The following DLGAP1 variants were observed in gnomAD, a reference collection of about 807,000 sequenced individuals.
DLGAP1 encodes disks large-associated protein 1.
A neutral mutation model predicts 90.8 loss-of-function variants in DLGAP1; 11 were observed. The ratio of observed to expected loss-of-function variants is 0.12; its 90% confidence interval spans 0.08 to 0.20. The LOEUF (loss-of-function observed/expected upper bound fraction) is 0.20, where lower values mean the gene tolerates loss of function less well. Ranked by LOEUF, DLGAP1 falls within the 10% of genes least tolerant of loss-of-function variation. DLGAP1 has a pLI of 1.00. For synonymous variants in DLGAP1, 558 were observed against 540.7 expected, an observed-to-expected ratio of 1.03 and a Z score of -0.44; for missense variants, 1,050 against 1,333.8, an observed-to-expected ratio of 0.79 and a Z score of 3.31.
At chr18:3,561,304 C>A (rs2054093272) in intron 9 of DLGAP1, among the ~76,000 whole-genome samples, 2 of 146,886 alleles carry the variant, frequency 1.4e-5, no homozygotes, top group Non-Finnish European at 3.0e-5. Context: ...CCAGATGTGG[C>A]AGGTGCCTGT....
chr18:3,578,360 A>ATTTTTTTTTTT (rs750251974), intron 8 of DLGAP1, among the ~76,000 whole-genome samples: 1 of 143,582 alleles, frequency 7.0e-6, no homozygotes, highest in South Asian at 2.2e-4. Context: ...TGCGTCTTTA[A>ATTTTTTTTTTT]TTTTTTTTTT....
chr18:4,176,741 C>T (rs1568496), intron 1 of DLGAP1, among the ~76,000 whole-genome samples: 5,726 of 152,242 alleles, frequency 0.038, 387 homozygotes, highest in African/African-American at 0.13. Context: ...TTTCCTGGAA[C>T]CCTCTGCTTC....
rs1300105882 is a variant in DLGAP1 at position 3,985,751 on chromosome 18, G to C, written c.-73+19365C>G. ...TAAATTTGTACAGGCTTGAAAAATA[G>C]TTGTGCTCTATAAATACCCCAGTAT... On this transcript the variant is annotated intron_variant, in intron 3 of 12. Coordinates refer to ENST00000315677, the MANE Select transcript of DLGAP1 (RefSeq NM_004746.4). Among the ~76,000 whole-genome samples the C allele has an allele frequency of 2.0e-5, 3 of 152,074 alleles. No individual in the cohort carries two copies. In the South Asian group the frequency reaches 6.2e-4, roughly 32 times the overall value.
chr18:4,315,087 A>T (rs2143511985), intron 1 of DLGAP1, among the ~76,000 whole-genome samples: 1 of 152,286 alleles, frequency 6.6e-6, no homozygotes, highest in East Asian at 1.9e-4. Flanking sequence ...GTGAGCATAG[A>T]CCCTGGAGTC....
intron 3 of DLGAP1, among the ~76,000 whole-genome samples, chr18:3,963,357 C>A (rs1470412657): frequency 6.6e-6 from 1 of 152,154 alleles, no homozygotes. Context: ...AGCACAGTTG[C>A]TGGGCCTTGT....
intron 7 of DLGAP1, among the ~76,000 whole-genome samples, chr18:3,705,541 G>A (rs1321804442): frequency 6.6e-6 from 1 of 151,298 alleles, no homozygotes; most frequent in African/African-American, 2.4e-5. Context: ...AGACCCCAAG[G>A]AGCATTAAAA....
chr18:4,105,756 C>G (rs553897698), intron 2 of DLGAP1, among the ~76,000 whole-genome samples: 2 of 152,082 alleles, frequency 1.3e-5, no homozygotes, highest in Non-Finnish European at 2.9e-5. Context: ...TTAGGCCGGG[C>G]GCGGTGGCTC....
intron 9 of DLGAP1, 72 bp downstream of exon 9, chr18:3,567,418 A>C (rs1179878606): frequency 1.3e-5 from 17 of 1,300,226 alleles, no homozygotes; most frequent in Non-Finnish European, 1.6e-5. Flanking sequence ...TTGTAGACTT[A>C]TCACGGGGAA....
intron 2 of DLGAP1, among the ~76,000 whole-genome samples, chr18:4,149,811 C>T (rs948683424): frequency 1.3e-5 from 2 of 152,194 alleles, no homozygotes; most frequent in Admixed American, 6.5e-5. Flanking sequence ...CCACCCTGTC[C>T]GTGGAAAAAT....
At chr18:4,006,958 A>G (rs1172525487) in intron 2 of DLGAP1, among the ~76,000 whole-genome samples, 2 of 152,118 alleles carry the variant, frequency 1.3e-5, no homozygotes, top group Non-Finnish European at 2.9e-5. Flanking sequence ...ACTTCATGGA[A>G]CAATGCAGTG....
intron 1 of DLGAP1, among the ~76,000 whole-genome samples, chr18:4,156,915 T>C (rs528813049): frequency 6.6e-6 from 1 of 152,246 alleles, no homozygotes; most frequent in South Asian, 2.1e-4. Context: ...GGAACATTTC[T>C]GAAAGGCATG....
intron 1 of DLGAP1, among the ~76,000 whole-genome samples, chr18:4,318,593 T>C (rs879436920): frequency 6.6e-6 from 1 of 152,180 alleles, no homozygotes; most frequent in African/African-American, 2.4e-5. Flanking sequence ...CTGGAGTCGA[T>C]GCAGGAGTTC....
At chr18:4,087,006 T>C (rs1030510993) in intron 2 of DLGAP1, among the ~76,000 whole-genome samples, 12 of 147,018 alleles carry the variant, frequency 8.2e-5, no homozygotes, top group South Asian at 2.2e-4. Context: ...AATATTTTAG[T>C]TCTGAAGTCT....
At chr18:3,634,215 TC>T (rs35031361) in intron 7 of DLGAP1, among the ~76,000 whole-genome samples, 1,599 of 150,136 alleles carry the variant, frequency 0.011, 33 homozygotes, top group African/African-American at 0.036. Context: ...TCTTTGAACA[TC>T]CCCCCCCACT....
intron 3 of DLGAP1, among the ~76,000 whole-genome samples, chr18:3,945,025 G>A (rs2148954907): frequency 6.6e-6 from 1 of 152,210 alleles, no homozygotes; most frequent in East Asian, 1.9e-4. Context: ...TACATCTAGG[G>A]TAAGAATCTC....
intron 1 of DLGAP1, among the ~76,000 whole-genome samples, chr18:4,271,369 C>T (rs1232377427): frequency 6.6e-6 from 1 of 152,138 alleles, no homozygotes; most frequent in Admixed American, 6.5e-5. Flanking sequence ...TACCTAATTT[C>T]ACATATATGA....
chr18:4,051,073 G>A (rs1336722605), intron 2 of DLGAP1, among the ~76,000 whole-genome samples: 4 of 152,164 alleles, frequency 2.6e-5, no homozygotes, highest in African/African-American at 9.7e-5. Flanking sequence ...TTCCCAAACA[G>A]TTTGTGTGTT....
In DLGAP1 at chr18:3,918,473, T is replaced by C. The variant is rs567323202; in HGVS notation, c.-72-38333A>G. ...CATATAAAAGTTAGGTGAGAAGAGA[T>C]AGAAACCAACAAACAATGAACCAAA... is the stretch of plus-strand genomic sequence containing the variant. On this transcript the variant is annotated intron_variant, in intron 3 of 12. Transcript: ENST00000315677. Among the ~76,000 whole-genome samples, 5 of 152,022 alleles carry C rather than the reference T, an allele frequency of 3.3e-5. No homozygotes were observed. The South Asian group carries it at 1.0e-3, about 32-fold the overall frequency.
intron 6 of DLGAP1, among the ~76,000 whole-genome samples, chr18:3,741,061 C>CCTCACCACCACCACCACCAT (rs1568047976): frequency 2.2e-5 from 2 of 90,822 alleles, no homozygotes; most frequent in African/African-American, 1.2e-4. Flanking sequence ...ACCACCATCA[C>CCTCACCACCACCACCACCAT]CACCACCACC....
Sources: allele counts gnomAD v4.1 joint callset (sites outside exome capture counted in the v4.1 genomes callset), GRCh38; gene constraint gnomAD v4.1.1; transcripts MANE v1.5; gene names NCBI Gene and HGNC (gene_info 2026-07-23, HGNC 2026-07-21).